Variants in DMPK observed in about 807,000 individuals in gnomAD.
DMPK encodes myotonin-protein kinase.
In DMPK, 32 loss-of-function variants were observed where a neutral mutation model predicts 70.3. The ratio of observed to expected loss-of-function variants is 0.46; its 90% confidence interval spans 0.34 to 0.61. The LOEUF is 0.61. Among genes scored for constraint, DMPK ranks in the 20% least tolerant of loss-of-function variants. The pLI is 0.01. For synonymous variants in DMPK, 469 were observed against 390.9 expected, an observed-to-expected ratio of 1.20 and a Z score of -2.36; for missense variants, 899 against 886.0, an observed-to-expected ratio of 1.01 and a Z score of -0.19.
At chr19:45,774,117 C>A (rs1338499107) in intron 9 of DMPK, among the ~76,000 whole-genome samples, 1 of 151,870 alleles carries the variant, frequency 6.6e-6, no homozygotes, top group Non-Finnish European at 1.5e-5. Context: ...CCACGCCTGG[C>A]TAATTTTGTT....
chr19:45,779,232 C>G lies in DMPK; in HGVS notation c.432+32G>C, dbSNP rs773246625. On this transcript the variant is annotated intron_variant, in intron 4 of 14. Coordinates refer to ENST00000291270, the MANE Select transcript of DMPK (RefSeq NM_004409.5). ...TCCAGTGACAGCACGGGCTCTTGTC[C>G]CTCTTCCTAGTCACCCCGGCCCGGA... The G allele has an allele frequency of 1.9e-6, 3 of 1,605,772 alleles. No homozygotes were observed. In the Admixed American group the frequency reaches 5.0e-5, roughly 27 times the overall value.
intron 4 of DMPK, 181 bp from the exon 5 acceptor site, chr19:45,778,822 G>GC (rs1969938357): frequency 7.8e-6 from 3 of 383,156 alleles, no homozygotes; most frequent in Non-Finnish European, 1.2e-5. Context: ...CCCCGCCCCC[G>GC]CCCCTCAAAA....
Position 45,772,671 on chromosome 19 carries a change from C to T in DMPK, c.1314G>A (p.Leu438=). 6.5e-7 allele frequency: 1 copy of T among 1,537,966 alleles called. No homozygotes were observed. The highest frequency in any genetic ancestry group is 8.7e-7 in the Non-Finnish European group (1 of 1,152,002). The change falls in exon 10 of 15, where the codon CTG becomes CTA. Residue 438 remains leucine, a synonymous_variant. Coordinates refer to ENST00000291270, the MANE Select transcript of DMPK (RefSeq NM_004409.5). ...CATCCTGTGGGGACACCGAGGGCTC[C>T]AGGCTGGGCGCTTGCACGTGTGGCT... ...LLEPHVQAPS[L]EPSVSPQDET... is the part of the protein sequence containing the mutation.
intron 5 of DMPK, 78 bp from the exon 6 acceptor site, chr19:45,778,298 G>A: frequency 6.9e-7 from 1 of 1,449,994 alleles, no homozygotes; most frequent in Non-Finnish European, 9.5e-7. Context: ...CCTCCGGGCA[G>A]TGCCACCTGG....
Position 45,777,641 on chromosome 19 carries a change from C to T in DMPK, c.882+26G>A, listed in dbSNP as rs1490469912. The T allele has an allele frequency of 7.4e-6, 12 of 1,613,660 alleles. No individual in the cohort carries two copies. The highest frequency in any genetic ancestry group is 1.0e-5 in the Non-Finnish European group (12 of 1,179,900). On this transcript the variant is annotated intron_variant, in intron 7 of 14. Transcript: ENST00000291270. The surrounding 1 kb of genome is among the most constrained non-coding windows in gnomAD (Gnocchi z 6.7). The stretch of plus-strand genomic sequence containing the variant: ...GCCTGGGAGCGCCTACCGGGAGAGG[C>T]CAGGTCTCCCTGCGGCCGTGCTCAC...
chr19:45,779,090 C>T (rs1232839239), intron 4 of DMPK, 174 bp downstream of exon 4: 3 of 660,986 alleles, frequency 4.5e-6, no homozygotes, highest in African/African-American at 3.6e-5. Flanking sequence ...CCATCCCCGT[C>T]TCAGATAGGG....
rs769357491 is a variant in DMPK at position 45,779,875 on chromosome 19, G to A, written c.161-6C>T. The A allele has an allele frequency of 4.1e-5, 66 of 1,613,436 alleles. No individual in the cohort carries two copies. The highest frequency in any genetic ancestry group is 4.6e-5 in the Non-Finnish European group (54 of 1,179,882). On this transcript the variant is annotated splice_region_variant and splice_polypyrimidine_tract_variant and intron_variant, in intron 1 of 14. Transcript: ENST00000291270. ...CCTCACCACGATGGGCTCCGCTGGG[G>A]GGGTGGTGGGGGAAAAGAACCGAGG... is the stretch of plus-strand genomic sequence containing the variant.
chr19:45,775,074 C>A (rs200418173), intron 8 of DMPK, 40 bp from the exon 9 acceptor site: 3 of 1,542,626 alleles, frequency 1.9e-6, no homozygotes, highest in Non-Finnish European at 2.7e-6. Context: ...GTCGTCAGGG[C>A]GGGCCCCTCA....
In DMPK at chr19:45,771,705, C is replaced by A. The variant is rs746028393; in HGVS notation, c.1503-40G>T. 17 of 1,611,984 alleles carry A rather than the reference C, an allele frequency of 1.1e-5. No homozygotes were observed. In the South Asian group the frequency reaches 1.8e-4, roughly 17 times the overall value. ...GGACGGTGAGTCCGTCCGGGCCGGA[C>A]GAGAGGGGATGCCAAGGGTTGCCAC... On this transcript the variant is annotated intron_variant, in intron 11 of 14. Transcript: ENST00000291270.
chr19:45,770,556 C>T lies in DMPK; in HGVS notation c.1822G>A (p.Gly608Arg), dbSNP rs1422005666. 2 of 1,551,098 alleles carry T rather than the reference C, an allele frequency of 1.3e-6. No individual in the cohort carries two copies. The highest frequency in any genetic ancestry group is 1.7e-6 in the Non-Finnish European group (2 of 1,147,080). ...LSRAAALGCI[G>R]LVAHAGQLTA... The stretch of plus-strand genomic sequence containing the variant: ...AGTTGGCCGGCGTGGGCCACCAACC[C>T]AATGCAGCCCAGGGCGGCGGCACGA... The change falls in exon 15 of 15, where the codon GGG becomes AGG. Residue 608 changes from glycine to arginine, a missense_variant. Physicochemically the swap from Gly to Arg is moderately radical, Grantham distance 125. Transcript: ENST00000291270.
chr19:45,778,375 C>A, intron 5 of DMPK, 118 bp downstream of exon 5: 1 of 1,415,116 alleles, frequency 7.1e-7, no homozygotes, highest in South Asian at 1.3e-5. Flanking sequence ...CCCAGGCACC[C>A]CCCGGTGGGC....
chr19:45,771,929 C>T lies in DMPK; in HGVS notation c.1345-1G>A. The T allele has an allele frequency of 6.3e-7, 1 of 1,592,708 alleles. No individual in the cohort carries two copies. Among genetic ancestry groups the T allele is most frequent in the Non-Finnish European group, 8.6e-7 (1 of 1,169,076 alleles). On this transcript the variant is annotated splice_acceptor_variant, in intron 10 of 14. Transcript: ENST00000291270. LOFTEE classifies it high-confidence loss of function. ...CAGCCGCTGGAACTGCCACTTCAGC[C>T]TGTGTATGGGGACCAGGCTTAAGGC...
chr19:45,771,392 G>A lies in DMPK; in HGVS notation c.1605C>T (p.Val535=), dbSNP rs140231303. ...ELLQAEGATA[V]TGVPSPRATD... Reference sequence around the variant, plus strand: ...TGGCCCGGGGACTGGGGACCCCCGTGACAGCTGGAAGGAGAAGAAAGAGGC... The same window carrying A: ...TGGCCCGGGGACTGGGGACCCCCGTAACAGCTGGAAGGAGAAGAAAGAGGC... Residue 535 remains valine, a synonymous_variant, in exon 13 of 15, where the codon GTC becomes GTT. Coordinates refer to ENST00000291270, the MANE Select transcript of DMPK (RefSeq NM_004409.5). 1 of 1,606,682 alleles carries A rather than the reference G, an allele frequency of 6.2e-7. No homozygotes were observed. The highest frequency in any genetic ancestry group is 8.5e-7 in the Non-Finnish European group (1 of 1,177,778).
chr19:45,771,518 G>A (rs760599845), intron 12 of DMPK, 50 bp downstream of exon 12: 9 of 1,612,338 alleles, frequency 5.6e-6, no homozygotes, highest in East Asian at 2.2e-5. Flanking sequence ...CGGAGCAGAC[G>A]GCCCACCTCC....
rs369938946 is a variant in DMPK, at chr19:45,777,399, G to A, written c.1074C>T (p.Phe358=). The A allele has an allele frequency of 3.1e-6, 5 of 1,612,278 alleles. No homozygotes were observed. Among genetic ancestry groups the A allele is most frequent in the African/African-American group, 2.7e-5 (2 of 74,972 alleles). The change falls in exon 8 of 15, where the codon TTC becomes TTT. Residue 358 remains phenylalanine (F), a synonymous_variant. Coordinates refer to ENST00000291270, the MANE Select transcript of DMPK (RefSeq NM_004409.5). This position sits in a 1 kb window ranked among gnomAD's most constrained non-coding sequence, Gnocchi z 6.7. ...AGTTGCATGTGTCGGTGGCACCTTC[G>A]AAATCCGGTGTAAAGGGGGGCACGC... is the stretch of plus-strand genomic sequence containing the variant. ...RDSVPPFTPD[F]EGATDTCNFD...
intron 9 of DMPK, among the ~76,000 whole-genome samples, chr19:45,773,481 G>A (rs181024723): frequency 4.3e-4 from 66 of 152,232 alleles, no homozygotes; most frequent in South Asian, 1.0e-3. Flanking sequence ...AGTAGCATGA[G>A]GAAGGGGAAA....
chr19:45,780,550 A>C (rs1011576181), intron 1 of DMPK: 2 of 1,037,444 alleles, frequency 1.9e-6, no homozygotes, highest in Admixed American at 5.6e-5. Flanking sequence ...TATGACTAGG[A>C]ATGTTAAACT....
chr19:45,776,021 C>T (rs1344182302), intron 8 of DMPK, among the ~76,000 whole-genome samples: 1 of 109,314 alleles, frequency 9.1e-6, no homozygotes, highest in South Asian at 4.0e-4. Context: ...CGGGGTTTCA[C>T]CGTGTTGGCC....
Position 45,782,238 on chromosome 19 carries a change from A to AGGCGCCCAGCTCCTGGTG in DMPK, c.97_114dup (p.His33_Ala38dup). 1 of 1,606,160 alleles carries AGGCGCCCAGCTCCTGGTG rather than the reference A, an allele frequency of 6.2e-7. No homozygotes were observed. The highest frequency in any genetic ancestry group is 8.5e-7 in the Non-Finnish European group (1 of 1,177,834). ...ACGTACTTGTCCTGGGCCAGTTCGG[A>AGGCGCCCAGCTCCTGGTG]GGCGCCCAGCTCCTGGTGGACGCCC... On this transcript the variant is annotated inframe_insertion, in exon 1 of 15. Transcript: ENST00000291270.
Sources: gnomAD v4.1 joint callset for allele counts (sites outside exome capture counted in the v4.1 genomes callset) on GRCh38, gnomAD v4.1.1 for gene constraint, Gnocchi (gnomAD v3.1) non-coding constraint, MANE v1.5 for transcripts, NCBI Gene and HGNC (gene_info 2026-07-23, HGNC 2026-07-21) for gene names.